SLCO1C1: variants seen among roughly 807,000 people sequenced by gnomAD.
SLCO1C1 encodes solute carrier organic anion transporter family member 1C1.
In SLCO1C1, 70 loss-of-function variants were observed where a neutral mutation model predicts 76.4. The ratio of observed to expected loss-of-function variants is 0.92; its 90% confidence interval spans 0.76 to 1.12. The LOEUF (loss-of-function observed/expected upper bound fraction) is 1.12, where lower values mean the gene tolerates loss of function less well. SLCO1C1 is among the 50% of genes most tolerant of loss of function. The probability of loss-of-function intolerance (pLI) is 0.00; values close to 1 mark genes in which losing one functional copy is unlikely to be tolerated. For synonymous variants in SLCO1C1, 306 were observed against 286.1 expected, an observed-to-expected ratio of 1.07 and a Z score of -0.70; for missense variants, 912 against 823.8, an observed-to-expected ratio of 1.11 and a Z score of -1.31.
chr12:20,705,361 C>T (rs1946722960), intron 3 of SLCO1C1, among the ~76,000 whole-genome samples: 1 of 151,850 alleles, frequency 6.6e-6, no homozygotes, highest in Non-Finnish European at 1.5e-5. Context: ...CACCTGAAGT[C>T]GCCTATGTGG....
chr12:20,722,604 T>A (rs1329605393), intron 8 of SLCO1C1, among the ~76,000 whole-genome samples: 2 of 152,136 alleles, frequency 1.3e-5, no homozygotes, highest in Non-Finnish European at 2.9e-5. Context: ...GGCTACATAA[T>A]AGGAAAAAGG....
chr12:20,746,158 C>A (rs1949033007), intron 13 of SLCO1C1, among the ~76,000 whole-genome samples: 1 of 152,120 alleles, frequency 6.6e-6, no homozygotes, highest in South Asian at 2.1e-4. Flanking sequence ...CACAAGGGAA[C>A]AGAACCAATT....
intron 3 of SLCO1C1, among the ~76,000 whole-genome samples, chr12:20,705,045 C>A (rs540659174): frequency 1.3e-5 from 2 of 151,880 alleles, no homozygotes; most frequent in Non-Finnish European, 2.9e-5. Flanking sequence ...TTGGTACTTG[C>A]CAAGAATCGC....
intron 12 of SLCO1C1, among the ~76,000 whole-genome samples, chr12:20,741,616 G>A (rs1433356771): frequency 1.3e-5 from 2 of 151,800 alleles, no homozygotes; most frequent in Non-Finnish European, 2.9e-5. Context: ...TTCCCTACAG[G>A]TTTTTCTCCT....
chr12:20,737,625 G>A (rs982982198), intron 11 of SLCO1C1, among the ~76,000 whole-genome samples: 8 of 152,108 alleles, frequency 5.3e-5, no homozygotes, highest in African/African-American at 1.4e-4. Flanking sequence ...CCTAAGATCC[G>A]TGGTCCTTGG....
At chr12:20,701,557 C>A in intron 3 of SLCO1C1, 98 bp downstream of exon 3, 121 of 818,478 alleles carry the variant, frequency 1.5e-4, no homozygotes, top group Middle Eastern at 4.5e-4. Flanking sequence ...TGGGATCAGA[C>A]TCTATTCATA....
intron 9 of SLCO1C1, among the ~76,000 whole-genome samples, chr12:20,732,447 G>A (rs1948323123): frequency 1.3e-5 from 2 of 152,130 alleles, no homozygotes; most frequent in Non-Finnish European, 2.9e-5. Flanking sequence ...GTTGTTATTA[G>A]GAAGGATACC....
At chr12:20,706,126 G>T in intron 4 of SLCO1C1, 45 bp downstream of exon 4, 2 of 1,543,396 alleles carry the variant, frequency 1.3e-6, no homozygotes, top group Non-Finnish European at 1.7e-6. Context: ...CCAAACAACT[G>T]CATTTCTCCC....
chr12:20,722,054 G>C lies in SLCO1C1; in HGVS notation c.1021+5G>C. 1 of 1,609,174 alleles carries C rather than the reference G, an allele frequency of 6.2e-7. No individual in the cohort carries two copies. Among genetic ancestry groups the C allele is most frequent in the Non-Finnish European group, 8.5e-7 (1 of 1,177,940 alleles). ...AAATAATGGAAATGGCAAGAGGTAA[G>C]TCAAATTCTTGATTTTGAAGTATTT... is the stretch of plus-strand genomic sequence containing the variant. On this transcript the variant is annotated splice_donor_5th_base_variant and intron_variant, in intron 8 of 14. Coordinates refer to ENST00000266509, the MANE Select transcript of SLCO1C1 (RefSeq NM_017435.5).
At chr12:20,737,017 T>C in intron 10 of SLCO1C1, 90 bp from the exon 11 acceptor site, 1 of 1,191,404 alleles carries the variant, frequency 8.4e-7, no homozygotes, top group South Asian at 2.3e-5. Flanking sequence ...CATAGTATCA[T>C]TTATATCACT....
intron 10 of SLCO1C1, among the ~76,000 whole-genome samples, chr12:20,733,849 T>C (rs956845560): frequency 1.3e-5 from 2 of 152,190 alleles, no homozygotes; most frequent in Non-Finnish European, 2.9e-5. Context: ...AGGTTGAATC[T>C]TGTAGGAACT....
intron 13 of SLCO1C1, among the ~76,000 whole-genome samples, chr12:20,749,990 A>C (rs1008440932): frequency 6.6e-6 from 1 of 152,220 alleles, no homozygotes; most frequent in African/African-American, 2.4e-5. Flanking sequence ...CATTTTAGTC[A>C]CTGAAAGAAA....
intron 9 of SLCO1C1, 146 bp downstream of exon 9, chr12:20,723,400 C>T (rs1279645239): frequency 2.0e-6 from 2 of 994,286 alleles, no homozygotes; most frequent in East Asian, 2.7e-5. Context: ...AATGTTGTAG[C>T]AAGAATTATT....
At chr12:20,717,788 G>A (rs994336790) in intron 7 of SLCO1C1, among the ~76,000 whole-genome samples, 11 of 149,340 alleles carry the variant, frequency 7.4e-5, no homozygotes, top group African/African-American at 2.7e-4. Context: ...GGAAATAAAT[G>A]GCAAAGGGGA....
intron 11 of SLCO1C1, among the ~76,000 whole-genome samples, chr12:20,739,501 G>T (rs1387033122): frequency 1.3e-5 from 2 of 151,796 alleles, no homozygotes; most frequent in Non-Finnish European, 2.9e-5. Flanking sequence ...GAGAAGAGCT[G>T]CCCGGGCAGA....
At chr12:20,728,481 A>G (rs1948128101) in intron 9 of SLCO1C1, among the ~76,000 whole-genome samples, 1 of 151,732 alleles carries the variant, frequency 6.6e-6, no homozygotes. Flanking sequence ...TCTAGTAGAC[A>G]AGATATATCA....
chr12:20,721,924 T>C lies in SLCO1C1; in HGVS notation c.896T>C (p.Leu299Ser). The C allele has an allele frequency of 1.2e-6, 2 of 1,614,158 alleles. No homozygotes were observed. Among genetic ancestry groups the C allele is most frequent in the Non-Finnish European group, 1.7e-6 (2 of 1,180,020 alleles). Residue 299 changes from leucine (L) to serine (S), a missense_variant, in exon 8 of 15, where the codon TTA becomes TCA. Transcript: ENST00000266509. ...CCTTTCTGGTATTTACCAAAGAGTT[T>C]ACCAAGATCCCAAAGTAGAGAGGAT... is the stretch of plus-strand genomic sequence containing the variant. Reference protein sequence around the residue: ...AVPFWYLPKSLPRSQSREDSN... With the variant: ...AVPFWYLPKSSPRSQSREDSN...
At chr12:20,744,476 A>G (rs1948951627) in intron 13 of SLCO1C1, among the ~76,000 whole-genome samples, 1 of 152,124 alleles carries the variant, frequency 6.6e-6, no homozygotes, top group Non-Finnish European at 1.5e-5. Context: ...AAGTTTTGAG[A>G]AGAAAAAAAC....
chr12:20,740,169 C>T lies in SLCO1C1; in HGVS notation c.1549-15C>T. 19 of 1,586,278 alleles carry T rather than the reference C, an allele frequency of 1.2e-5. No homozygotes were observed. Among genetic ancestry groups the T allele is most frequent in the East Asian group, 6.9e-5 (3 of 43,536 alleles). On this transcript the variant is annotated splice_polypyrimidine_tract_variant and intron_variant, in intron 11 of 14. Coordinates refer to ENST00000266509, the MANE Select transcript of SLCO1C1 (RefSeq NM_017435.5). ...TGTTACTGAAATAATTGGACTTTTC[C>T]CTATCGTGTTACAGATATTTTACAA...
Sources: gnomAD v4.1 joint callset for allele counts (sites outside exome capture counted in the v4.1 genomes callset) on GRCh38, gnomAD v4.1.1 for gene constraint, MANE v1.5 for transcripts, NCBI Gene and HGNC (gene_info 2026-07-23, HGNC 2026-07-21) for gene names.